C2: variants seen among roughly 807,000 people sequenced by gnomAD.
The protein encoded by C2 is C3/C5 convertase.
A neutral mutation model predicts 85.2 loss-of-function variants in C2; 64 were observed. The ratio of observed to expected loss-of-function variants is 0.75; its 90% CI spans 0.61 to 0.92. C2 has a LOEUF of 0.92. Among genes scored for constraint, C2 ranks in the 40% least tolerant of loss-of-function variants. C2 has a pLI of 0.00. For missense variants in C2, 820 were observed against 971.6 expected, an observed-to-expected ratio of 0.84 and a Z score of 2.07; for synonymous variants, 311 against 370.8, an observed-to-expected ratio of 0.84 and a Z score of 1.85.
At position 31,945,085 on chromosome 6, in the gene C2, G is replaced by A. The variant is rs543316444; in HGVS notation, c.2079+56G>A. ...GGTTACAGGATCTCAGCCTTGTTGG[G>A]GGGATGAGGGAGGCCTTTGAGGGAT... On this transcript the variant is annotated intron_variant, in intron 17 of 17. Coordinates refer to ENST00000299367, the MANE Select transcript of C2 (RefSeq NM_000063.6). This position sits in a 1 kb window ranked among gnomAD's most constrained non-coding sequence, Gnocchi z 5.3. 4.4e-4 allele frequency: 705 copies of A among 1,610,496 alleles called. 8 individuals carry two copies. The South Asian group carries it at 7.2e-3, about 17-fold the overall frequency.
chr6:31,945,095 G>C lies in C2; in HGVS notation c.2079+66G>C, dbSNP rs1369366536. ...TCTCAGCCTTGTTGGGGGGATGAGGGAGGCCTTTGAGGGATCTAGGGAGGT... is the reference window on the plus strand; with the variant it reads ...TCTCAGCCTTGTTGGGGGGATGAGGCAGGCCTTTGAGGGATCTAGGGAGGT... On this transcript the variant is annotated intron_variant, in intron 17 of 17. Transcript: ENST00000299367. The surrounding 1 kb of genome is among the most constrained non-coding windows in gnomAD (Gnocchi z 5.3). The C allele has an allele frequency of 3.1e-6, 5 of 1,608,412 alleles. No homozygotes were observed. Among genetic ancestry groups the C allele is most frequent in the Non-Finnish European group, 4.3e-6 (5 of 1,175,976 alleles).
chr6:31,926,085 C>T (rs971290016), upstream of C2, among the ~76,000 whole-genome samples: 1 of 152,218 alleles, frequency 6.6e-6, no homozygotes, highest in African/African-American at 2.4e-5. Context: ...GTTCTACTAA[C>T]ATCCCATTAG....
At position 31,904,907 on chromosome 6, in the gene C2, A is replaced by G. The variant is rs1256935395; in HGVS notation, c.73+3768A>G. On this transcript the variant is annotated intron_variant, in intron 1 of 3. Transcript: ENST00000452202. The surrounding 1 kb of genome is among the most constrained non-coding windows in gnomAD (Gnocchi z 4.4). ...TCAAGTGTCCAGCCCACCCAGTTAC[A>G]ACTCTGCGTAAAAACAAGCAGAGGT... is the stretch of plus-strand genomic sequence containing the variant. Among the ~76,000 whole-genome samples, 1 of 152,026 alleles carries G rather than the reference A, an allele frequency of 6.6e-6. No individual in the cohort carries two copies. The highest frequency in any genetic ancestry group is 1.5e-5 in the Non-Finnish European group (1 of 68,030).
chr6:31,939,510 C>CT (rs896123643), intron 9 of C2, among the ~76,000 whole-genome samples, 190 bp downstream of exon 9: 6,657 of 126,394 alleles, frequency 0.053, 201 homozygotes, highest in South Asian at 0.1. Flanking sequence ...ACCTTACCTT[C>CT]TTTTTTTTTT....
upstream of C2, among the ~76,000 whole-genome samples, chr6:31,924,144 A>C (rs1474646815): frequency 2.0e-5 from 3 of 152,184 alleles, no homozygotes; most frequent in East Asian, 5.8e-4. Context: ...TATCTTATTT[A>C]AGTTACTGTA....
intron 1 of C2, among the ~76,000 whole-genome samples, chr6:31,902,266 A>G (rs995882559): frequency 6.7e-6 from 1 of 149,762 alleles, no homozygotes; most frequent in Non-Finnish European, 1.5e-5. Context: ...CTGTACCTCC[A>G]AGCCCCGCGG....
Position 31,934,145 on chromosome 6 carries a change from TC to T in C2, c.716-17del. 1 of 1,613,896 alleles carries T rather than the reference TC, an allele frequency of 6.2e-7. No individual in the cohort carries two copies. Among genetic ancestry groups the T allele is most frequent in the Non-Finnish European group, 8.5e-7 (1 of 1,179,810 alleles). On this transcript the variant is annotated intron_variant, in intron 5 of 17. Coordinates refer to ENST00000299367, the MANE Select transcript of C2 (RefSeq NM_000063.6). The stretch of plus-strand genomic sequence containing the variant: ...AGGAAGGAGGTGGGGATCTGAATCC[TC>T]CCCTTCCACATTTCTCCAGAAAGCC...
At chr6:31,923,524 C>A (rs1326331021), upstream of C2, among the ~76,000 whole-genome samples, 1 of 152,164 alleles carries the variant, frequency 6.6e-6, no homozygotes, top group Non-Finnish European at 1.5e-5. Flanking sequence ...TGCTCTGTCA[C>A]CCAGGCTGGA....
At position 31,904,502 on chromosome 6, in the gene C2, C is replaced by T. The variant is rs1179158213; in HGVS notation, c.73+3363C>T. 1.3e-5 allele frequency among the ~76,000 whole-genome samples: 2 copies of T among 151,816 alleles called. No homozygotes were observed. Among genetic ancestry groups the T allele is most frequent in the Admixed American group, 6.6e-5 (1 of 15,226 alleles). On this transcript the variant is annotated intron_variant, in intron 1 of 3. Transcript: ENST00000452202. This position sits in a 1 kb window ranked among gnomAD's most constrained non-coding sequence, Gnocchi z 4.4. ...CTAATTTTCGCATTTTTAGTAGAGACGGGGTTTCACCATGTTGGCCAGGCT... is the reference window on the plus strand; with the variant it reads ...CTAATTTTCGCATTTTTAGTAGAGATGGGGTTTCACCATGTTGGCCAGGCT...
At chr6:31,934,331 G>T in intron 6 of C2, 32 bp downstream of exon 6, 3 of 1,613,542 alleles carry the variant, frequency 1.9e-6, no homozygotes, top group Non-Finnish European at 2.5e-6. Flanking sequence ...TGCAGCAGAG[G>T]CCTTCCTGTG....
At chr6:31,901,414 C>T (rs1767255451) in intron 1 of C2, 1 of 1,201,480 alleles carries the variant, frequency 8.3e-7, no homozygotes, top group South Asian at 1.6e-5. Flanking sequence ...CTTGCCCAGC[C>T]CCCCGGCATC....
At position 31,943,278 on chromosome 6, in the gene C2, G is replaced by A. The variant is rs142243595; in HGVS notation, c.1414G>A (p.Ala472Thr). ...ICGVGNMSAN[A>T]SDQERTPWHV... ...CGGGGTGGGGAACATGTCAGCAAAC[G>A]CCTCTGACCAGGAGAGGACACCCTG... The change falls in exon 11 of 18, where the codon GCC becomes ACC. Residue 472 changes from alanine (A) to threonine (T), a missense_variant. Coordinates refer to ENST00000299367, the MANE Select transcript of C2 (RefSeq NM_000063.6). The surrounding 1 kb of genome is among the most constrained non-coding windows in gnomAD (Gnocchi z 6.4). The A allele has an allele frequency of 3.6e-4, 585 of 1,613,028 alleles. 1 individual carries two copies. The highest frequency in any genetic ancestry group is 2.2e-3 in the African/African-American group (164 of 75,030).
chr6:31,919,301 C>G (rs762849413), upstream of C2, among the ~76,000 whole-genome samples: 1 of 152,036 alleles, frequency 6.6e-6, no homozygotes, highest in Non-Finnish European at 1.5e-5. Flanking sequence ...CCTGCCAACA[C>G]ACCCGGCTAA....
rs1222603836 is a variant in C2 at position 31,928,771 on chromosome 6, T to G, written c.296T>G (p.Ile99Ser). 1 of 1,614,124 alleles carries G rather than the reference T, an allele frequency of 6.2e-7. No homozygotes were observed. The highest frequency in any genetic ancestry group is 1.1e-5 in the South Asian group (1 of 91,090). ...GCCCCTGTCTCCTTTGAGAATGGCA[T>G]TTATACCCCACGGCTGGGGTCCTAT... ...CPAPVSFENGIYTPRLGSYPV... is the reference protein window; with the variant it reads ...CPAPVSFENGSYTPRLGSYPV... Residue 99 changes from isoleucine to serine, a missense_variant, in exon 3 of 18, where the codon ATT (isoleucine) becomes AGT (serine). By Grantham distance (142) the Ile-to-Ser change is moderately radical (BLOSUM62 -2). Coordinates refer to ENST00000299367, the MANE Select transcript of C2 (RefSeq NM_000063.6).
chr6:31,914,405 A>G (rs1244609546), intron 1 of C2, among the ~76,000 whole-genome samples: 4 of 149,828 alleles, frequency 2.7e-5, no homozygotes, highest in Non-Finnish European at 4.4e-5. Context: ...AGCCTGGCCA[A>G]TATGGTGAAA....
In C2 at chr6:31,929,277, G is replaced by A. The variant is rs372952968; in HGVS notation, c.442+360G>A. Among the ~76,000 whole-genome samples, 179 of 152,322 alleles carry A rather than the reference G, an allele frequency of 1.2e-3. 3 individuals are homozygous for A. The Middle Eastern group carries it at 0.017, about 14-fold the overall frequency. On this transcript the variant is annotated intron_variant, in intron 3 of 17. Coordinates refer to ENST00000299367, the MANE Select transcript of C2 (RefSeq NM_000063.6). ...CTTTAATGCCTTGCCTTTAAAGCCA[G>A]GTTTGGGTTCCAAGCCCTACTCTGA...
chr6:31,922,547 ACT>A lies in C2; in HGVS notation c.-100+2524_-100+2525del, dbSNP rs1261098926. Among the ~76,000 whole-genome samples, 1 of 151,888 alleles carries A rather than the reference ACT, an allele frequency of 6.6e-6. No individual in the cohort carries two copies. The highest frequency in any genetic ancestry group is 1.5e-5 in the Non-Finnish European group (1 of 67,956). The stretch of plus-strand genomic sequence containing the variant: ...TCAGAGCATCATTTCTGATTTTTAA[ACT>A]CTGATTAGGGGGCCTGGCACAGTGG... On this transcript the variant is annotated intron_variant, in intron 1 of 3. Coordinates refer to the C2 transcript ENST00000413154. The surrounding 1 kb of genome is among the most constrained non-coding windows in gnomAD (Gnocchi z 4.8).
At chr6:31,929,006 G>A in intron 3 of C2, 89 bp downstream of exon 3, 1 of 1,219,968 alleles carries the variant, frequency 8.2e-7, no homozygotes, top group Non-Finnish European at 1.2e-6. Flanking sequence ...GCCTCTGTGG[G>A]GATAGGAGTC....
chr6:31,939,050 C>T (rs549469257), intron 8 of C2, among the ~76,000 whole-genome samples, 181 bp from the exon 9 acceptor site: 4 of 152,220 alleles, frequency 2.6e-5, no homozygotes, highest in South Asian at 2.1e-4. Flanking sequence ...CCGCCTTCTT[C>T]GGTCTCCCAA....
Sources: gnomAD v4.1 joint callset for allele counts (sites outside exome capture counted in the v4.1 genomes callset) on GRCh38, gnomAD v4.1.1 for gene constraint, Gnocchi (gnomAD v3.1) non-coding constraint, MANE v1.5 for transcripts, NCBI Gene and HGNC (gene_info 2026-07-23, HGNC 2026-07-21) for gene names.